Variants in ZSWIM5 observed in about 807,000 individuals in gnomAD.
The protein encoded by ZSWIM5 is zinc finger SWIM-type containing 5.
Under a neutral mutation model 119.6 loss-of-function variants are expected in ZSWIM5, and 55 were observed. That is an observed-to-expected ratio of 0.46 (90% CI 0.37 to 0.58). ZSWIM5 has a LOEUF of 0.58. Ranked by LOEUF, ZSWIM5 falls within the 20% of genes least tolerant of loss-of-function variation. The pLI is 0.00. For missense variants in ZSWIM5, 1,193 were observed against 1,512.8 expected (o/e 0.79, Z 3.51); for synonymous variants, 537 against 606.9 (o/e 0.88, Z 1.69).
At chr1:45,069,384 C>A (rs1048718073) in intron 2 of ZSWIM5, among the ~76,000 whole-genome samples, 2 of 151,652 alleles carry the variant, frequency 1.3e-5, no homozygotes, top group Non-Finnish European at 1.5e-5. Flanking sequence ...CAAGATCGTG[C>A]CACTGCACTC....
chr1:45,067,080 A>G (rs1005162051), intron 2 of ZSWIM5, among the ~76,000 whole-genome samples: 3 of 152,146 alleles, frequency 2.0e-5, no homozygotes, highest in Non-Finnish European at 2.9e-5. Flanking sequence ...TGATCTTGGG[A>G]TGCCTTTATG....
chr1:45,190,978 G>T (rs145703637), intron 1 of ZSWIM5, among the ~76,000 whole-genome samples: 1 of 110,076 alleles, frequency 9.1e-6, no homozygotes, highest in Non-Finnish European at 1.7e-5. Flanking sequence ...ACGGAGTCTC[G>T]CTCTTTCGCC....
At chr1:45,113,362 T>C (rs964763428) in intron 1 of ZSWIM5, among the ~76,000 whole-genome samples, 3 of 152,160 alleles carry the variant, frequency 2.0e-5, no homozygotes, top group Non-Finnish European at 2.9e-5. Context: ...GGAAGAGCCA[T>C]TTAAATTTTA....
intron 2 of ZSWIM5, among the ~76,000 whole-genome samples, chr1:45,064,900 C>T (rs6693384): frequency 0.019 from 2,832 of 152,200 alleles, 92 homozygotes; most frequent in African/African-American, 0.065. Flanking sequence ...AGTCTCATAC[C>T]GCTGGATTCA....
At chr1:45,178,717 A>G (rs1441499961) in intron 1 of ZSWIM5, among the ~76,000 whole-genome samples, 1 of 152,082 alleles carries the variant, frequency 6.6e-6, no homozygotes, top group African/African-American at 2.4e-5. Context: ...ATTTAATTGT[A>G]TTAGTATTGT....
At chr1:45,163,758 G>C (rs923371202) in intron 1 of ZSWIM5, among the ~76,000 whole-genome samples, 1 of 152,136 alleles carries the variant, frequency 6.6e-6, no homozygotes, top group Non-Finnish European at 1.5e-5. Context: ...AGTCAGAAGA[G>C]AAGCTTAGAG....
At chr1:45,181,507 T>C (rs960312940) in intron 1 of ZSWIM5, among the ~76,000 whole-genome samples, 3 of 149,022 alleles carry the variant, frequency 2.0e-5, no homozygotes, top group African/African-American at 5.0e-5. Flanking sequence ...TGGAAAACAC[T>C]GTGCAGGATA....
At chr1:45,085,101 C>T (rs1465710159) in intron 2 of ZSWIM5, among the ~76,000 whole-genome samples, 1 of 152,256 alleles carries the variant, frequency 6.6e-6, no homozygotes, top group Non-Finnish European at 1.5e-5. Context: ...CAAGCCTCAA[C>T]TCTTGACCTC....
chr1:45,122,409 T>C (rs1002289855), intron 1 of ZSWIM5, among the ~76,000 whole-genome samples: 9 of 152,240 alleles, frequency 5.9e-5, no homozygotes, highest in African/African-American at 1.9e-4. Flanking sequence ...TTAAAACTTA[T>C]ATAACAGCCA....
chr1:45,174,495 A>C (rs368270916), intron 1 of ZSWIM5, among the ~76,000 whole-genome samples: 1 of 151,246 alleles, frequency 6.6e-6, no homozygotes, highest in African/African-American at 2.4e-5. Context: ...GACTTTGGGA[A>C]GCCGAGGTGG....
At chr1:45,160,011 T>C (rs1645853835) in intron 1 of ZSWIM5, among the ~76,000 whole-genome samples, 1 of 152,222 alleles carries the variant, frequency 6.6e-6, no homozygotes, top group Admixed American at 6.5e-5. Flanking sequence ...CATTTAAGTT[T>C]TAATTTCTAA....
intron 5 of ZSWIM5, among the ~76,000 whole-genome samples, chr1:45,043,992 T>TG (rs1645032073): frequency 6.6e-6 from 1 of 152,082 alleles, no homozygotes; most frequent in African/African-American, 2.4e-5. Context: ...AAGACCAGCC[T>TG]GGGCAACATA....
chr1:45,138,228 G>A (rs1007260811), intron 1 of ZSWIM5, among the ~76,000 whole-genome samples: 1 of 151,944 alleles, frequency 6.6e-6, no homozygotes, highest in Admixed American at 6.6e-5. Context: ...GAAAGGCTGG[G>A]CACGGTGGCT....
chr1:45,033,274 C>T (rs1286354057), intron 11 of ZSWIM5, among the ~76,000 whole-genome samples: 2 of 151,982 alleles, frequency 1.3e-5, no homozygotes, highest in East Asian at 3.8e-4. Context: ...ATGCTTTGTT[C>T]TATTTTTGTA....
At chr1:45,049,545 G>A (rs543112244) in intron 5 of ZSWIM5, among the ~76,000 whole-genome samples, 6 of 152,110 alleles carry the variant, frequency 3.9e-5, no homozygotes, top group East Asian at 1.9e-4. Context: ...CAGGCTGGTC[G>A]CGGTGGCTCA....
intron 1 of ZSWIM5, among the ~76,000 whole-genome samples, chr1:45,099,817 A>C (rs1043886945): frequency 4.6e-5 from 7 of 152,218 alleles, no homozygotes; most frequent in African/African-American, 1.7e-4. Flanking sequence ...ATCTCAATAG[A>C]TGCAGAAAAG....
intron 2 of ZSWIM5, among the ~76,000 whole-genome samples, chr1:45,065,846 T>TC (rs1241099832): frequency 3.3e-5 from 5 of 151,592 alleles, no homozygotes; most frequent in Non-Finnish European, 7.4e-5. Context: ...TGGAGAATTT[T>TC]CTTTTTTTTT....
At chr1:45,131,024 AT>A (rs1349153124) in intron 1 of ZSWIM5, among the ~76,000 whole-genome samples, 1 of 152,258 alleles carries the variant, frequency 6.6e-6, no homozygotes, top group Admixed American at 6.5e-5. Flanking sequence ...TAACATTTAC[AT>A]TTTTGAAATG....
chr1:45,088,035 A>C lies in ZSWIM5; in HGVS notation c.798T>G (p.Leu266=), dbSNP rs1172975759. The change falls in exon 2 of 14, where the codon CTT becomes CTG. Residue 266 remains leucine (L), a synonymous_variant. Transcript: ENST00000359600. This position sits in a 1 kb window ranked among gnomAD's most constrained non-coding sequence, Gnocchi z 4.2. ...IRKPDQVKLR[L]PISETLFQMN... is the part of the protein sequence containing the mutation. ...TCTGGAAAAGGGTTTCGGAGATAGG[A>C]AGACGCAATTTGACTTGGTCTGGTT... is the stretch of plus-strand genomic sequence containing the variant. 1.2e-6 allele frequency: 2 copies of C among 1,614,206 alleles called. No individual in the cohort carries two copies. Among genetic ancestry groups the C allele is most frequent in the Admixed American group, 3.3e-5 (2 of 60,028 alleles).
Sources: allele counts gnomAD v4.1 joint callset (sites outside exome capture counted in the v4.1 genomes callset), GRCh38; gene constraint gnomAD v4.1.1; non-coding constraint Gnocchi (gnomAD v3.1); transcripts MANE v1.5; gene names NCBI Gene and HGNC (gene_info 2026-07-23, HGNC 2026-07-21).